The following CLYBL variants were observed in gnomAD, a reference collection of about 807,000 sequenced individuals.
The protein encoded by CLYBL is citramalyl-CoA lyase, also known as citramalyl-CoA lyase, mitochondrial.
Under a neutral mutation model 38.9 loss-of-function variants are expected in CLYBL, and 31 were observed. The ratio of observed to expected loss-of-function variants is 0.80; its 90% confidence interval spans 0.60 to 1.08. The LOEUF is 1.08. Ranked by LOEUF, CLYBL falls within the 50% of genes least tolerant of loss-of-function variation. CLYBL has a pLI of 0.00. For missense variants in CLYBL, 434 were observed against 411.6 expected (o/e 1.05, Z -0.47); for synonymous variants, 171 against 158.6 (o/e 1.08, Z -0.59).
In CLYBL at chr13:99,678,138, A is replaced by G. The variant is rs1463934292; in HGVS notation, c.62+71381A>G. On this transcript the variant is annotated intron_variant, in intron 1 of 8. Coordinates refer to ENST00000339105, the MANE Select transcript of CLYBL (RefSeq NM_206808.5). ...GTAATGCAGAGTAAAAGGCAATGGC[A>G]TTACCGATATTGTTGAGTTTTAAAA... Among the ~76,000 whole-genome samples, 4 of 152,244 alleles carry G rather than the reference A, an allele frequency of 2.6e-5. No individual in the cohort carries two copies. The East Asian group carries it at 5.8e-4, about 22-fold the overall frequency.
intron 1 of CLYBL, among the ~76,000 whole-genome samples, chr13:99,703,328 T>G (rs909844766): frequency 1.3e-5 from 2 of 152,192 alleles, no homozygotes; most frequent in African/African-American, 4.8e-5. Context: ...CCACCTTGTC[T>G]TTGTTTTTTA....
At chr13:99,827,245 G>A (rs757116743) in intron 2 of CLYBL, among the ~76,000 whole-genome samples, 21 of 152,190 alleles carry the variant, frequency 1.4e-4, no homozygotes, top group African/African-American at 3.9e-4. Context: ...ACTGTGTTCC[G>A]TATACACATA....
intron 1 of CLYBL, among the ~76,000 whole-genome samples, chr13:99,676,193 C>A (rs2047644642): frequency 1.7e-5 from 1 of 58,824 alleles, no homozygotes; most frequent in African/African-American, 4.4e-5. Flanking sequence ...TCCGTCCTTC[C>A]TTCCTTCCTT....
intron 2 of CLYBL, among the ~76,000 whole-genome samples, chr13:99,809,973 T>G (rs534382245): frequency 6.6e-6 from 1 of 152,354 alleles, no homozygotes; most frequent in South Asian, 2.1e-4. Flanking sequence ...GAATAACCTA[T>G]GCCCAAGTTT....
intron 2 of CLYBL, among the ~76,000 whole-genome samples, chr13:99,840,244 C>G (rs2051038164): frequency 3.8e-5 from 2 of 52,818 alleles, no homozygotes; most frequent in African/African-American, 2.2e-4. Flanking sequence ...CCCTTACTCT[C>G]CTTTCCTTAA....
chr13:99,610,356 A>T (rs140496785), intron 1 of CLYBL, among the ~76,000 whole-genome samples: 173 of 152,188 alleles, frequency 1.1e-3, no homozygotes, highest in Non-Finnish European at 6.6e-4. Flanking sequence ...TTTTCGTTGC[A>T]TGTCTTGTAT....
At chr13:99,823,687 T>TC (rs1242425725) in intron 2 of CLYBL, among the ~76,000 whole-genome samples, 1 of 152,250 alleles carries the variant, frequency 6.6e-6, no homozygotes, top group African/African-American at 2.4e-5. Flanking sequence ...GTCTGGATGT[T>TC]CCACAGTTTG....
intron 2 of CLYBL, among the ~76,000 whole-genome samples, chr13:99,857,756 CT>C (rs1424434975): frequency 6.6e-6 from 1 of 152,154 alleles, no homozygotes; most frequent in East Asian, 1.9e-4. Context: ...TTTGTCTCTG[CT>C]TTGGTTTGCT....
intron 1 of CLYBL, among the ~76,000 whole-genome samples, chr13:99,754,087 CAAAAAAAAAAAAAAA>C (rs71121003): frequency 0.021 from 955 of 45,434 alleles, 30 homozygotes; most frequent in African/African-American, 0.073. Context: ...AACTCGGTCT[CAAAAAAAAAAAAAAA>C]AAAAAAAAAA....
At chr13:99,805,338 A>G (rs2050211431) in intron 2 of CLYBL, among the ~76,000 whole-genome samples, 1 of 152,188 alleles carries the variant, frequency 6.6e-6, no homozygotes, top group South Asian at 2.1e-4. Context: ...GAATTGCCGT[A>G]CTGTTAATAG....
chr13:99,664,018 T>C (rs1419348397), intron 1 of CLYBL, among the ~76,000 whole-genome samples: 2 of 152,236 alleles, frequency 1.3e-5, no homozygotes, highest in Admixed American at 6.5e-5. Flanking sequence ...CTTTCTCTCT[T>C]TTTGTGATTA....
chr13:99,713,954 G>A (rs909254924), intron 1 of CLYBL, among the ~76,000 whole-genome samples: 1 of 150,718 alleles, frequency 6.6e-6, no homozygotes, highest in Non-Finnish European at 1.5e-5. Context: ...TAAAATGCTA[G>A]GATTACAGGT....
chr13:99,671,347 A>G (rs1293197923), intron 1 of CLYBL, among the ~76,000 whole-genome samples: 1 of 152,182 alleles, frequency 6.6e-6, no homozygotes, highest in Non-Finnish European at 1.5e-5. Context: ...TGAGCTGAGC[A>G]GGGAGTTGCT....
downstream of CLYBL, among the ~76,000 whole-genome samples, chr13:99,899,440 GCTC>G (rs1371152876): frequency 6.6e-6 from 1 of 152,162 alleles, no homozygotes; most frequent in Non-Finnish European, 1.5e-5. Flanking sequence ...TGCTTCTAGA[GCTC>G]CTAACCTGTG....
intron 1 of CLYBL, among the ~76,000 whole-genome samples, chr13:99,679,425 C>T (rs1380255503): frequency 6.6e-6 from 1 of 152,060 alleles, no homozygotes; most frequent in Non-Finnish European, 1.5e-5. Context: ...TCAAGAAATG[C>T]TCTTAATGTC....
At chr13:99,817,654 C>CA (rs1189248896) in intron 2 of CLYBL, among the ~76,000 whole-genome samples, 1,286 of 48,624 alleles carry the variant, frequency 0.026, 18 homozygotes, top group Non-Finnish European at 0.03. Context: ...GACTCTGTCT[C>CA]AAAAAAAAAA....
At chr13:99,899,678 T>C (rs2052619843), downstream of CLYBL, among the ~76,000 whole-genome samples, 1 of 152,210 alleles carries the variant, frequency 6.6e-6, no homozygotes, top group Admixed American at 6.5e-5. Flanking sequence ...TATTTTACCA[T>C]AATTTTTTAA....
intron 1 of CLYBL, among the ~76,000 whole-genome samples, chr13:99,615,997 C>A (rs1401753447): frequency 6.6e-6 from 1 of 152,096 alleles, no homozygotes; most frequent in Non-Finnish European, 1.5e-5. Flanking sequence ...CCACGCACAG[C>A]TAATTTTTTT....
chr13:99,632,087 G>A (rs765969123), intron 1 of CLYBL, among the ~76,000 whole-genome samples: 6 of 152,158 alleles, frequency 3.9e-5, no homozygotes, highest in African/African-American at 1.2e-4. Context: ...ACTGTATTGC[G>A]ATGTTAGAGG....
Sources: allele counts gnomAD v4.1 joint callset (sites outside exome capture counted in the v4.1 genomes callset), GRCh38; gene constraint gnomAD v4.1.1; transcripts MANE v1.5; gene names NCBI Gene and HGNC (gene_info 2026-07-23, HGNC 2026-07-21).